Variants in FER1L6 observed in about 807,000 individuals in gnomAD.
The protein encoded by FER1L6 is fer-1 like family member 6.
Under a neutral mutation model 219.2 loss-of-function variants are expected in FER1L6, and 177 were observed. That is an observed-to-expected ratio of 0.81 (90% CI 0.71 to 0.91). FER1L6 has a LOEUF of 0.91. Ranked by LOEUF, FER1L6 falls within the 40% of genes least tolerant of loss-of-function variation. The pLI is 0.00. For synonymous variants in FER1L6, 768 were observed against 824.3 expected (o/e 0.93, Z 1.17); for missense variants, 2,153 against 2,259.9 (o/e 0.95, Z 0.96).
intron 1 of FER1L6, among the ~76,000 whole-genome samples, chr8:123,888,789 T>C (rs1410518992): frequency 6.6e-6 from 1 of 152,212 alleles, no homozygotes; most frequent in Admixed American, 6.5e-5. Context: ...CAAAAGCTAT[T>C]GGATGTTTGT....
At chr8:123,908,726 G>A (rs1813001499) in intron 1 of FER1L6, among the ~76,000 whole-genome samples, 2 of 152,306 alleles carry the variant, frequency 1.3e-5, no homozygotes, top group East Asian at 3.9e-4. Context: ...TCTTTTAGAT[G>A]CTATAGGTAG....
chr8:124,041,550 T>G (rs1819496307), intron 20 of FER1L6, among the ~76,000 whole-genome samples: 1 of 152,136 alleles, frequency 6.6e-6, no homozygotes, highest in African/African-American at 2.4e-5. Flanking sequence ...TCTGCTCCAG[T>G]GTAATATACA....
chr8:124,087,400 A>C (rs1320624576), intron 33 of FER1L6, among the ~76,000 whole-genome samples: 1 of 151,974 alleles, frequency 6.6e-6, no homozygotes, highest in Non-Finnish European at 1.5e-5. Context: ...TGCATTTTTC[A>C]GTTCTAGAAT....
chr8:123,917,210 CTG>C (rs1482265235), intron 1 of FER1L6, among the ~76,000 whole-genome samples: 2 of 152,186 alleles, frequency 1.3e-5, no homozygotes, highest in African/African-American at 4.8e-5. Flanking sequence ...TGATAAATAA[CTG>C]TGCCAAACAG....
At chr8:123,903,655 G>T (rs1397093299) in intron 1 of FER1L6, among the ~76,000 whole-genome samples, 1 of 151,870 alleles carries the variant, frequency 6.6e-6, no homozygotes, top group Non-Finnish European at 1.5e-5. Context: ...TCATCTAATT[G>T]CCAGTGTAAA....
intron 1 of FER1L6, among the ~76,000 whole-genome samples, chr8:123,892,156 G>T (rs993479103): frequency 6.6e-6 from 1 of 152,044 alleles, no homozygotes; most frequent in Non-Finnish European, 1.5e-5. Flanking sequence ...ATTAAAATTA[G>T]CTTTAACATT....
At chr8:124,075,139 A>G (rs1450965828) in intron 31 of FER1L6, among the ~76,000 whole-genome samples, 1 of 152,220 alleles carries the variant, frequency 6.6e-6, no homozygotes, top group Non-Finnish European at 1.5e-5. Context: ...TCAATAATAA[A>G]TTAGCTTACT....
rs374371908 is a variant in FER1L6 at position 123,977,461 on chromosome 8, T to C, written c.915T>C (p.His305=). Reference sequence around the variant, plus strand: ...AGAACTGTGCTGATCCTGTGTGGCATGAACAGGTGATCTTCAAGGAAATGT... The same window carrying C: ...AGAACTGTGCTGATCCTGTGTGGCACGAACAGGTGATCTTCAAGGAAATGT... ...VQKNCADPVW[H]EQVIFKEMFP... is the part of the protein sequence containing the mutation. The change falls in exon 10 of 41, where the codon CAT becomes CAC. Residue 305 remains histidine, a synonymous_variant. Transcript: ENST00000522917. 685 of 1,614,118 alleles carry C rather than the reference T, an allele frequency of 4.2e-4. 12 individuals are homozygous for C. In the South Asian group the frequency reaches 7.0e-3, roughly 17 times the overall value.
chr8:124,092,036 GA>G (rs1822059209), intron 34 of FER1L6, among the ~76,000 whole-genome samples: 1 of 151,098 alleles, frequency 6.6e-6, no homozygotes, highest in Non-Finnish European at 1.5e-5. Context: ...GGAGAATAAT[GA>G]ATATCACTTA....
intron 31 of FER1L6, among the ~76,000 whole-genome samples, chr8:124,072,613 T>C (rs1563782307): frequency 6.6e-6 from 1 of 152,226 alleles, no homozygotes; most frequent in South Asian, 2.1e-4. Flanking sequence ...GAAATAAATA[T>C]TCTTCCATCA....
At chr8:123,859,604 GGTTA>G (rs1233934453) in intron 1 of FER1L6, among the ~76,000 whole-genome samples, 1 of 146,464 alleles carries the variant, frequency 6.8e-6, no homozygotes, top group Admixed American at 6.8e-5. Context: ...ACAATGTGCA[GGTTA>G]GTTACATATG....
intron 12 of FER1L6, among the ~76,000 whole-genome samples, chr8:123,987,676 T>C (rs533307762): frequency 1.7e-3 from 253 of 152,354 alleles, no homozygotes; most frequent in Non-Finnish European, 2.3e-3. Context: ...AAGTCTTTAA[T>C]CCATTTTGAT....
chr8:123,968,501 A>G (rs1300986019), intron 5 of FER1L6, among the ~76,000 whole-genome samples: 3 of 152,218 alleles, frequency 2.0e-5, no homozygotes, highest in Admixed American at 6.5e-5. Context: ...AGTCTGAAAC[A>G]TATGAAACCC....
chr8:124,071,775 AC>A, intron 31 of FER1L6, 144 bp downstream of exon 31: 3 of 1,105,934 alleles, frequency 2.7e-6, no homozygotes, highest in Non-Finnish European at 3.7e-6. Flanking sequence ...TCAAGTTGCT[AC>A]CAGGGTTGGT....
At chr8:123,944,259 T>C (rs965651944) in intron 1 of FER1L6, among the ~76,000 whole-genome samples, 8 of 149,552 alleles carry the variant, frequency 5.3e-5, no homozygotes, top group Non-Finnish European at 1.0e-4. Context: ...ATTTGTTAGA[T>C]ATATTTAACA....
chr8:123,858,242 G>C (rs1319693909), intron 1 of FER1L6, among the ~76,000 whole-genome samples: 3 of 152,208 alleles, frequency 2.0e-5, no homozygotes, highest in African/African-American at 7.2e-5. Flanking sequence ...CTCCTAGACA[G>C]TTCTGGAGAT....
At chr8:124,074,359 A>G (rs753712631) in intron 31 of FER1L6, among the ~76,000 whole-genome samples, 8 of 151,592 alleles carry the variant, frequency 5.3e-5, no homozygotes, top group Non-Finnish European at 1.0e-4. Context: ...ATCACACACT[A>G]CTTAGAAATG....
At chr8:124,082,581 T>C in intron 33 of FER1L6, 123 bp downstream of exon 33, 1 of 806,684 alleles carries the variant, frequency 1.2e-6, no homozygotes, top group South Asian at 1.8e-5. Context: ...CTTTAACGTC[T>C]CAAATGGGCT....
intron 2 of FER1L6, 87 bp from the exon 3 acceptor site, chr8:123,963,191 C>T: frequency 6.4e-7 from 1 of 1,555,156 alleles, no homozygotes; most frequent in African/African-American, 1.4e-5. Flanking sequence ...ACTTATGGTG[C>T]CTGCCACAGG....
Sources: gnomAD v4.1 joint callset for allele counts (sites outside exome capture counted in the v4.1 genomes callset) on GRCh38, gnomAD v4.1.1 for gene constraint, MANE v1.5 for transcripts, NCBI Gene and HGNC (gene_info 2026-07-23, HGNC 2026-07-21) for gene names.